The following ITGBL1 variants were observed in gnomAD, a reference collection of about 807,000 sequenced individuals.
The protein encoded by ITGBL1 is integrin beta-like protein 1.
In ITGBL1, 51 loss-of-function variants were observed where a neutral mutation model predicts 68.5. The ratio of observed to expected loss-of-function variants is 0.74; its 90% CI spans 0.59 to 0.94. The LOEUF (loss-of-function observed/expected upper bound fraction) is 0.94. Among genes scored for constraint, ITGBL1 ranks in the 40% least tolerant of loss-of-function variants. The pLI is 0.00. For synonymous variants in ITGBL1, 209 were observed against 227.3 expected, an observed-to-expected ratio of 0.92 and a Z score of 0.72; for missense variants, 649 against 647.4, an observed-to-expected ratio of 1.00 and a Z score of -0.03.
chr13:101,458,253 G>A (rs746123038), intron 2 of ITGBL1, among the ~76,000 whole-genome samples: 2 of 152,194 alleles, frequency 1.3e-5, no homozygotes, highest in African/African-American at 2.4e-5. Flanking sequence ...TTGAGAAAGA[G>A]GTAGCATTTG....
rs538878308 is a variant in ITGBL1, at chr13:101,587,400, C to T, written c.868+4044C>T. On this transcript the variant is annotated intron_variant, in intron 6 of 10. Transcript: ENST00000376180. ...ATGACTGTTATACTACACACATACA[C>T]GCACCCCTCAAAGACAATACGGTTG... is the stretch of plus-strand genomic sequence containing the variant. Among the ~76,000 whole-genome samples the T allele has an allele frequency of 5.9e-5, 9 of 152,266 alleles. No individual in the cohort carries two copies. In the East Asian group the frequency reaches 1.2e-3, roughly 20 times the overall value.
chr13:101,622,382 C>G (rs1039233771), intron 7 of ITGBL1, among the ~76,000 whole-genome samples: 1 of 152,140 alleles, frequency 6.6e-6, no homozygotes, highest in Non-Finnish European at 1.5e-5. Context: ...CCAATTCAGT[C>G]TAGGTTCTTG....
chr13:101,462,863 G>A (rs7331689), intron 2 of ITGBL1, among the ~76,000 whole-genome samples: 12,397 of 152,186 alleles, frequency 0.081, 1,511 homozygotes, highest in African/African-American at 0.26. Context: ...GATTACAAGC[G>A]TGAGCCATGG....
chr13:101,630,300 T>C (rs2031933797), intron 7 of ITGBL1, among the ~76,000 whole-genome samples: 1 of 152,204 alleles, frequency 6.6e-6, no homozygotes, highest in Admixed American at 6.5e-5. Flanking sequence ...GAAAATAAAA[T>C]AAATGACAAA....
intron 5 of ITGBL1, 58 bp downstream of exon 5, chr13:101,579,485 T>C: frequency 6.5e-7 from 1 of 1,547,104 alleles, no homozygotes; most frequent in South Asian, 1.2e-5. Flanking sequence ...TTTTAATTGT[T>C]AACACTTCTT....
intron 2 of ITGBL1, among the ~76,000 whole-genome samples, chr13:101,487,247 G>C (rs762500375): frequency 6.6e-6 from 1 of 152,074 alleles, no homozygotes; most frequent in Non-Finnish European, 1.5e-5. Flanking sequence ...ATCATATCAG[G>C]TCTGTTGCTG....
chr13:101,587,801 A>G (rs976784339), intron 6 of ITGBL1, among the ~76,000 whole-genome samples: 9 of 152,304 alleles, frequency 5.9e-5, no homozygotes, highest in African/African-American at 2.2e-4. Flanking sequence ...GTATATCCAG[A>G]CCACATTTTC....
chr13:101,485,076 G>T (rs975906243), intron 2 of ITGBL1, among the ~76,000 whole-genome samples: 1 of 152,138 alleles, frequency 6.6e-6, no homozygotes, highest in Non-Finnish European at 1.5e-5. Context: ...ATCTTTAAAG[G>T]ATTGAAGAAA....
chr13:101,579,575 A>C (rs2050421532), intron 5 of ITGBL1, 148 bp downstream of exon 5: 1 of 841,622 alleles, frequency 1.2e-6, no homozygotes, highest in African/African-American at 1.7e-5. Flanking sequence ...TACTATCCCA[A>C]CAATCTTTTC....
At chr13:101,610,100 G>T (rs181666905) in intron 7 of ITGBL1, among the ~76,000 whole-genome samples, 3 of 152,174 alleles carry the variant, frequency 2.0e-5, no homozygotes, top group East Asian at 3.9e-4. Context: ...AAATGTGACA[G>T]TTATGAAAAT....
intron 2 of ITGBL1, among the ~76,000 whole-genome samples, chr13:101,522,380 C>T (rs938601278): frequency 2.6e-5 from 4 of 152,158 alleles, no homozygotes; most frequent in African/African-American, 9.7e-5. Flanking sequence ...TCTTACTATT[C>T]CCTCCCTCCA....
intron 6 of ITGBL1, among the ~76,000 whole-genome samples, chr13:101,596,047 G>A (rs1249686365): frequency 1.5e-4 from 2 of 13,022 alleles, no homozygotes; most frequent in Non-Finnish European, 4.4e-4. Context: ...TTACATATGT[G>A]TGTGTGTGTA....
At chr13:101,554,474 C>A (rs1428934708) in intron 2 of ITGBL1, among the ~76,000 whole-genome samples, 3 of 152,194 alleles carry the variant, frequency 2.0e-5, no homozygotes, top group African/African-American at 7.2e-5. Context: ...CAATGGTGGG[C>A]AGTCCTTGTG....
chr13:101,640,406 A>G (rs2032321574), intron 7 of ITGBL1, among the ~76,000 whole-genome samples: 1 of 152,050 alleles, frequency 6.6e-6, no homozygotes, highest in Admixed American at 6.6e-5. Flanking sequence ...GTCCCAGACC[A>G]CTCAATTTAG....
At chr13:101,472,315 C>G (rs1459454541) in intron 2 of ITGBL1, among the ~76,000 whole-genome samples, 1 of 152,126 alleles carries the variant, frequency 6.6e-6, no homozygotes, top group East Asian at 1.9e-4. Context: ...AGATAACAAC[C>G]AAACTGTTGG....
intron 2 of ITGBL1, among the ~76,000 whole-genome samples, chr13:101,465,416 C>T (rs982964468): frequency 6.6e-6 from 1 of 152,056 alleles, no homozygotes; most frequent in Non-Finnish European, 1.5e-5. Flanking sequence ...ATCTTTGAGG[C>T]AATAATAGCT....
chr13:101,607,772 A>T (rs968939), intron 7 of ITGBL1, among the ~76,000 whole-genome samples: 151,123 of 152,202 alleles, frequency 0.99, 75,030 homozygotes, highest in Middle Eastern at 1. Context: ...CTCAATGTAT[A>T]TTGCTGTTGG....
chr13:101,698,167 T>C (rs753174852), intron 8 of ITGBL1, among the ~76,000 whole-genome samples: 20 of 152,220 alleles, frequency 1.3e-4, no homozygotes, highest in Non-Finnish European at 2.6e-4. Context: ...GCCTTTCATA[T>C]GGAGAATATA....
At chr13:101,613,112 A>G (rs1042538881) in intron 7 of ITGBL1, among the ~76,000 whole-genome samples, 2 of 152,180 alleles carry the variant, frequency 1.3e-5, no homozygotes, top group Non-Finnish European at 2.9e-5. Context: ...TATCTATAAA[A>G]ATGGCATTAG....
Sources: allele counts gnomAD v4.1 joint callset (sites outside exome capture counted in the v4.1 genomes callset), GRCh38; gene constraint gnomAD v4.1.1; transcripts MANE v1.5; gene names NCBI Gene and HGNC (gene_info 2026-07-23, HGNC 2026-07-21).